The following VAT1L variants were observed in gnomAD, a reference collection of about 807,000 sequenced individuals.
VAT1L encodes vesicle amine transport 1 like.
VAT1L carries 34 observed loss-of-function variants against 44.1 expected under a neutral mutation model. The ratio of observed to expected loss-of-function variants is 0.77; its 90% confidence interval spans 0.59 to 1.03. VAT1L has a LOEUF of 1.03. Among genes scored for constraint, VAT1L ranks in the 50% least tolerant of loss-of-function variants. VAT1L has a pLI of 0.00. For synonymous variants in VAT1L, 253 were observed against 202.2 expected (o/e 1.25, Z -2.13); for missense variants, 615 against 538.8 (o/e 1.14, Z -1.40).
intron 7 of VAT1L, among the ~76,000 whole-genome samples, chr16:77,935,353 G>C (rs115237517): frequency 2.0e-5 from 3 of 152,072 alleles, no homozygotes; most frequent in African/African-American, 4.8e-5. Context: ...GCGGGTAAGA[G>C]AACTCATATT....
chr16:77,864,517 G>A (rs2142444333), intron 4 of VAT1L, among the ~76,000 whole-genome samples: 1 of 152,266 alleles, frequency 6.6e-6, no homozygotes, highest in African/African-American at 2.4e-5. Flanking sequence ...GAGGTGGGTG[G>A]ATCGCTTGAT....
rs2017127655 is a variant in VAT1L, at chr16:77,879,545, CA to C, written c.882+324del. Among the ~76,000 whole-genome samples the C allele has an allele frequency of 6.6e-6, 1 of 152,240 alleles. No individual in the cohort carries two copies. The highest frequency in any genetic ancestry group is 1.5e-5 in the Non-Finnish European group (1 of 68,042). On this transcript the variant is annotated intron_variant, in intron 6 of 8. Coordinates refer to ENST00000302536, the MANE Select transcript of VAT1L (RefSeq NM_020927.3). The surrounding 1 kb of genome is among the most constrained non-coding windows in gnomAD (Gnocchi z 4.1). ...TCGTGATCTGCCCGCCTCAGCCTCC[CA>C]AAGTGCTGGGATTACAGGCGTGAGC...
At chr16:77,852,240 G>T (rs1020118079) in intron 3 of VAT1L, among the ~76,000 whole-genome samples, 1 of 152,234 alleles carries the variant, frequency 6.6e-6, no homozygotes, top group African/African-American at 2.4e-5. Context: ...GCTGTCACTG[G>T]TGTGTCATCC....
chr16:77,937,393 C>G (rs555468294), intron 7 of VAT1L, among the ~76,000 whole-genome samples: 115 of 152,296 alleles, frequency 7.6e-4, no homozygotes, highest in Non-Finnish European at 1.6e-3. Context: ...CCTGTGCTCC[C>G]AACACCCATT....
rs1480300866 is a variant in VAT1L, at chr16:77,879,018, T to C, written c.827-151T>C. ...CTAACATAGTCAACTTTATGCCTCATTCTCATTCCCCTCACTTTGCCAAGG... is the reference window on the plus strand; with the variant it reads ...CTAACATAGTCAACTTTATGCCTCACTCTCATTCCCCTCACTTTGCCAAGG... On this transcript the variant is annotated intron_variant, in intron 5 of 8. Coordinates refer to ENST00000302536, the MANE Select transcript of VAT1L (RefSeq NM_020927.3). This position sits in a 1 kb window ranked among gnomAD's most constrained non-coding sequence, Gnocchi z 4.1. The C allele has an allele frequency of 1.5e-6, 1 of 687,210 alleles. No individual in the cohort carries two copies. The highest frequency in any genetic ancestry group is 2.5e-6 in the Non-Finnish European group (1 of 398,856). The allele number at this position is 687,210 out of a possible 1,614,324, so 42.6% of individuals were successfully genotyped here.
intron 7 of VAT1L, among the ~76,000 whole-genome samples, chr16:77,940,705 CATAATTAATTTAAAA>C (rs2017871945): frequency 6.6e-6 from 1 of 152,076 alleles, no homozygotes; most frequent in East Asian, 1.9e-4. Context: ...ATGATACATC[CATAATTAATTTAAAA>C]ATAATAGTGG....
chr16:77,809,137 C>T (rs562775316), intron 1 of VAT1L, among the ~76,000 whole-genome samples: 2 of 152,318 alleles, frequency 1.3e-5, no homozygotes, highest in South Asian at 4.1e-4. Flanking sequence ...TAATGTAAGC[C>T]AGGTAAAACC....
rs143990002 is a variant in VAT1L, at chr16:77,865,912, A to G, written c.722+3022A>G. 4.6e-5 allele frequency among the ~76,000 whole-genome samples: 7 copies of G among 152,180 alleles called. No homozygotes were observed. The East Asian group carries it at 9.7e-4, about 21-fold the overall frequency. ...TTCCTCAGCATCCTTCCCATCCTCT[A>G]TCTTTCCACTGCCCTAGATCTACTC... On this transcript the variant is annotated intron_variant, in intron 4 of 8. Transcript: ENST00000302536.
chr16:77,823,258 G>C (rs148993915), intron 2 of VAT1L, among the ~76,000 whole-genome samples: 1 of 151,904 alleles, frequency 6.6e-6, no homozygotes, highest in Non-Finnish European at 1.5e-5. Context: ...TCTTTGGACC[G>C]ATATCTGAAA....
intron 5 of VAT1L, among the ~76,000 whole-genome samples, chr16:77,876,757 G>C (rs956309480): frequency 6.6e-6 from 1 of 152,228 alleles, no homozygotes; most frequent in Non-Finnish European, 1.5e-5. Context: ...ATCACCCACA[G>C]AAGGTAGCAC....
chr16:77,849,698 C>T (rs1320587531), intron 3 of VAT1L, among the ~76,000 whole-genome samples: 1 of 152,270 alleles, frequency 6.6e-6, no homozygotes, highest in East Asian at 1.9e-4. Flanking sequence ...AACTAAACAT[C>T]CCAGTAGGAA....
intron 7 of VAT1L, among the ~76,000 whole-genome samples, chr16:77,911,709 G>A (rs138983991): frequency 1.3e-5 from 2 of 152,024 alleles, no homozygotes; most frequent in East Asian, 1.9e-4. Flanking sequence ...GCAGACTCTG[G>A]GTCCACACGA....
chr16:77,869,051 G>C (rs2017003830), intron 4 of VAT1L, among the ~76,000 whole-genome samples: 1 of 151,960 alleles, frequency 6.6e-6, no homozygotes, highest in African/African-American at 2.4e-5. Flanking sequence ...GTTCAGAAAG[G>C]TGAAACTACA....
At chr16:77,941,621 T>G (rs1301282426) in intron 7 of VAT1L, among the ~76,000 whole-genome samples, 1 of 152,138 alleles carries the variant, frequency 6.6e-6, no homozygotes, top group Admixed American at 6.6e-5. Context: ...GTCTTGCTCT[T>G]GTCACCCAGG....
Position 77,884,785 on chromosome 16 carries a change from T to C in VAT1L, c.1060T>C (p.Leu354=), listed in dbSNP as rs769664556. 31 of 1,529,314 alleles carry C rather than the reference T, an allele frequency of 2.0e-5. No individual in the cohort carries two copies. The African/African-American group carries it at 3.4e-4, about 17-fold the overall frequency. 94.7% of individuals were successfully genotyped at this position (1,529,314 alleles called of 1,614,324 possible). A position where few individuals can be genotyped will look rare whatever the true frequency, so the allele number is the denominator to read the frequency against. ...GAAGATCAAGCCTGTGGTGGACTCC[T>C]TGTGGGCTCTGGAGGAGGTAAGAAT... is the stretch of plus-strand genomic sequence containing the variant. ...QKKIKPVVDS[L]WALEEVKEAM... The change falls in exon 7 of 9, where the codon TTG becomes CTG. Residue 354 remains leucine, a synonymous_variant. Transcript: ENST00000302536. The surrounding 1 kb of genome is among the most constrained non-coding windows in gnomAD (Gnocchi z 4.5).
intron 7 of VAT1L, among the ~76,000 whole-genome samples, chr16:77,958,919 G>A (rs1327247404): frequency 6.6e-6 from 1 of 152,168 alleles, no homozygotes; most frequent in African/African-American, 2.4e-5. Flanking sequence ...CTGTTGCCAA[G>A]TAGGTACTTC....
chr16:77,955,328 G>T lies in VAT1L; in HGVS notation c.1078-16522G>T, dbSNP rs150674217. ...GCGCTACTGACATCTAGTGAGCAGA[G>T]GCCAAGGATGCTGACGAACATCCTG... On this transcript the variant is annotated intron_variant, in intron 7 of 8. Transcript: ENST00000302536. Among the ~76,000 whole-genome samples, 148 of 152,322 alleles carry T rather than the reference G, an allele frequency of 9.7e-4. 1 individual carries two copies. The highest frequency in any genetic ancestry group is 2.8e-3 in the African/African-American group (116 of 41,574).
chr16:77,871,880 T>G (rs1460089111), intron 4 of VAT1L, among the ~76,000 whole-genome samples: 1 of 152,168 alleles, frequency 6.6e-6, no homozygotes, highest in African/African-American at 2.4e-5. Context: ...CCACCCACCC[T>G]GAAGGTTGAG....
intron 1 of VAT1L, among the ~76,000 whole-genome samples, chr16:77,803,128 G>A (rs762710545): frequency 9.9e-5 from 15 of 152,178 alleles, no homozygotes; most frequent in African/African-American, 1.9e-4. Context: ...CAAGCCCTGT[G>A]CCCTAAAGTT....
Sources: allele counts gnomAD v4.1 joint callset (sites outside exome capture counted in the v4.1 genomes callset), GRCh38; gene constraint gnomAD v4.1.1; non-coding constraint Gnocchi (gnomAD v3.1); transcripts MANE v1.5; gene names NCBI Gene and HGNC (gene_info 2026-07-23, HGNC 2026-07-21).